The following MARCHF1 variants were observed in gnomAD, a reference collection of about 807,000 sequenced individuals.
MARCHF1 encodes the protein E3 ubiquitin-protein ligase MARCHF1.
MARCHF1 carries 40 observed loss-of-function variants against 54.2 expected under a neutral mutation model. That is an observed-to-expected ratio of 0.74 (90% CI 0.57 to 0.96). MARCHF1 has a LOEUF of 0.96. Among genes scored for constraint, MARCHF1 ranks in the 40% least tolerant of loss-of-function variants. The pLI is 0.00. For missense variants in MARCHF1, 586 were observed against 656.5 expected (o/e 0.89, Z 1.17); for synonymous variants, 236 against 236.3 (o/e 1.00, Z 0.01).
At chr4:163,651,293 T>C (rs1179355551) in intron 5 of MARCHF1, among the ~76,000 whole-genome samples, 1 of 151,948 alleles carries the variant, frequency 6.6e-6, no homozygotes, top group African/African-American at 2.4e-5. Context: ...TAGAATTTTC[T>C]CTTAGAACAT....
intron 3 of MARCHF1, among the ~76,000 whole-genome samples, chr4:163,865,573 C>T (rs1048491198): frequency 6.6e-6 from 1 of 151,674 alleles, no homozygotes; most frequent in African/African-American, 2.4e-5. Context: ...TTCTGTCATA[C>T]TCTTTGAGTT....
chr4:163,539,012 T>TA (rs997260212), intron 9 of MARCHF1, among the ~76,000 whole-genome samples: 9 of 151,604 alleles, frequency 5.9e-5, no homozygotes, highest in Non-Finnish European at 1.3e-4. Flanking sequence ...TTTATTTATT[T>TA]ATTTATTTAT....
Position 163,894,885 on chromosome 4 carries a change from CATATATATATGCATGTGATGCAT to C in MARCHF1, c.-38-40739_-38-40717del. 2.7e-3 allele frequency among the ~76,000 whole-genome samples: 39 copies of C among 14,352 alleles called. 12 individuals are homozygous for C. The highest frequency in any genetic ancestry group is 4.4e-3 in the African/African-American group (26 of 5,914). The allele number at this position is 14,352 out of a possible 152,430, so 9.4% of individuals were successfully genotyped here. ...GATGCATATATATATGCATGTGATG[CATATATATATGCATGTGATGCAT>C]ATATATATATATGCATGTGATGCAT... On this transcript the variant is annotated intron_variant, in intron 3 of 9. Transcript: ENST00000514618.
At chr4:164,030,151 G>A (rs1206629651) in intron 2 of MARCHF1, among the ~76,000 whole-genome samples, 1 of 151,388 alleles carries the variant, frequency 6.6e-6, no homozygotes, top group East Asian at 1.9e-4. Flanking sequence ...TTTACAAAGG[G>A]TTCGTATATT....
chr4:164,050,275 CAAAAAAAAAAAAAA>C (rs34642436), intron 2 of MARCHF1, among the ~76,000 whole-genome samples: 6 of 40,164 alleles, frequency 1.5e-4, no homozygotes, highest in South Asian at 3.6e-3. Flanking sequence ...ACACTGTCTC[CAAAAAAAAAAAAAA>C]AAAAAAAAAA....
chr4:164,010,780 C>G (rs1451245151), intron 2 of MARCHF1, among the ~76,000 whole-genome samples: 5 of 151,996 alleles, frequency 3.3e-5, no homozygotes, highest in African/African-American at 2.4e-5. Flanking sequence ...AAATTTATAT[C>G]AAGCACAAAA....
chr4:163,985,266 A>C (rs575069986), intron 3 of MARCHF1, among the ~76,000 whole-genome samples: 35 of 152,242 alleles, frequency 2.3e-4, no homozygotes, highest in African/African-American at 8.4e-4. Context: ...AAGGCACTTC[A>C]TTTTAATTGC....
At chr4:164,067,692 C>T (rs1033379815) in intron 2 of MARCHF1, among the ~76,000 whole-genome samples, 4 of 151,962 alleles carry the variant, frequency 2.6e-5, no homozygotes, top group African/African-American at 9.7e-5. Context: ...TGGCCAACTC[C>T]CCAAAAACAA....
At chr4:164,309,263 TGTGTGTGTGTGTGTGTGTGTGCGC>T (rs1321368998) in intron 1 of MARCHF1, among the ~76,000 whole-genome samples, 18 of 151,166 alleles carry the variant, frequency 1.2e-4, no homozygotes, top group African/African-American at 4.1e-4. Flanking sequence ...CCTGTGTGTG[TGTGTGTGTGTGTGTGTGTGTGCGC>T]GTGTGTGTCT....
intron 2 of MARCHF1, among the ~76,000 whole-genome samples, chr4:164,102,628 A>G (rs1755591956): frequency 6.6e-6 from 1 of 151,576 alleles, no homozygotes; most frequent in Non-Finnish European, 1.5e-5. Context: ...TAAACATGGA[A>G]AGGAACAACC....
intron 4 of MARCHF1, among the ~76,000 whole-genome samples, chr4:163,805,907 G>T (rs980887482): frequency 2.6e-5 from 4 of 152,112 alleles, no homozygotes; most frequent in African/African-American, 9.7e-5. Flanking sequence ...AGGACTCAAG[G>T]ATTCTCCTTC....
intron 1 of MARCHF1, chr4:164,197,375 T>C: frequency 6.2e-7 from 1 of 1,613,160 alleles, no homozygotes. Flanking sequence ...AGGTCTAAGC[T>C]CTTGAGGTTT....
chr4:164,001,454 G>T (rs1212169755), intron 2 of MARCHF1, among the ~76,000 whole-genome samples: 1 of 151,754 alleles, frequency 6.6e-6, no homozygotes, highest in Non-Finnish European at 1.5e-5. Flanking sequence ...AAGGTTGGGA[G>T]ATTTGTTCCT....
chr4:164,322,075 C>A (rs78149192), intron 1 of MARCHF1, among the ~76,000 whole-genome samples: 27 of 152,080 alleles, frequency 1.8e-4, no homozygotes, highest in African/African-American at 5.5e-4. Flanking sequence ...TTGTAAATTT[C>A]TTTCAGATGA....
intron 4 of MARCHF1, among the ~76,000 whole-genome samples, chr4:163,807,856 T>C (rs976289340): frequency 3.3e-5 from 5 of 152,078 alleles, no homozygotes; most frequent in Non-Finnish European, 7.4e-5. Context: ...TACGTTTCTG[T>C]TTTCTCCAAG....
At chr4:163,774,086 T>C (rs1026458401) in intron 4 of MARCHF1, among the ~76,000 whole-genome samples, 1 of 152,184 alleles carries the variant, frequency 6.6e-6, no homozygotes, top group South Asian at 2.1e-4. Flanking sequence ...CAGCAGATAC[T>C]AAAATCCACA....
intron 4 of MARCHF1, among the ~76,000 whole-genome samples, chr4:163,769,988 G>A (rs1747107631): frequency 6.6e-6 from 1 of 151,992 alleles, no homozygotes; most frequent in South Asian, 2.1e-4. Flanking sequence ...AAGACAATGA[G>A]AATAAAGACC....
intron 1 of MARCHF1, among the ~76,000 whole-genome samples, chr4:164,242,793 A>T (rs541450038): frequency 2.0e-5 from 3 of 152,294 alleles, no homozygotes; most frequent in Admixed American, 2.0e-4. Flanking sequence ...AGGAGTTGAT[A>T]GAGCTGAAAA....
At chr4:163,895,852 C>A (rs1480937717) in intron 3 of MARCHF1, among the ~76,000 whole-genome samples, 2 of 152,120 alleles carry the variant, frequency 1.3e-5, no homozygotes, top group African/African-American at 2.4e-5. Context: ...GCCTCCTCAG[C>A]ACTTACTTAT....
Sources: allele counts gnomAD v4.1 joint callset (sites outside exome capture counted in the v4.1 genomes callset), GRCh38; gene constraint gnomAD v4.1.1; transcripts MANE v1.5; gene names NCBI Gene and HGNC (gene_info 2026-07-23, HGNC 2026-07-21).